Variants in GRAMD1B observed in about 807,000 individuals in gnomAD.
GRAMD1B encodes the protein GRAM domain containing 1B, also known as protein Aster-B.
In GRAMD1B, 37 loss-of-function variants were observed where a neutral mutation model predicts 99.7. That is an observed-to-expected ratio of 0.37 (90% confidence interval 0.29 to 0.49). The LOEUF is 0.49. Among genes scored for constraint, GRAMD1B ranks in the 20% least tolerant of loss-of-function variants. The pLI, the probability that GRAMD1B is intolerant of heterozygous loss-of-function variation, is 0.98. For synonymous variants in GRAMD1B, 427 were observed against 387.6 expected, an observed-to-expected ratio of 1.10 and a Z score of -1.19; for missense variants, 888 against 1,009.2, an observed-to-expected ratio of 0.88 and a Z score of 1.63.
At chr11:123,455,686 T>C (rs1950084767) in intron 1 of GRAMD1B, among the ~76,000 whole-genome samples, 2 of 152,200 alleles carry the variant, frequency 1.3e-5, no homozygotes, top group Non-Finnish European at 2.9e-5. Context: ...TTCAGCTTTA[T>C]TGTCTTTATA....
At chr11:123,484,973 C>T (rs1023337202) in intron 2 of GRAMD1B, among the ~76,000 whole-genome samples, 1 of 152,164 alleles carries the variant, frequency 6.6e-6, no homozygotes, top group South Asian at 2.1e-4. Flanking sequence ...CTGTGCTCCT[C>T]GTTCTGGCCC....
chr11:123,381,900 C>T (rs1946888821), intron 1 of GRAMD1B, among the ~76,000 whole-genome samples: 1 of 152,116 alleles, frequency 6.6e-6, no homozygotes, highest in South Asian at 2.1e-4. Context: ...GGACCGGAGG[C>T]TTGGGGTGGG....
intron 1 of GRAMD1B, among the ~76,000 whole-genome samples, chr11:123,384,456 T>C (rs1416080587): frequency 1.3e-5 from 2 of 152,188 alleles, no homozygotes; most frequent in Non-Finnish European, 2.9e-5. Flanking sequence ...CCTGCCCAGG[T>C]AACCCCCTTC....
At chr11:123,375,589 T>C (rs1946666848) in intron 1 of GRAMD1B, among the ~76,000 whole-genome samples, 2 of 152,204 alleles carry the variant, frequency 1.3e-5, no homozygotes, top group African/African-American at 2.4e-5. Flanking sequence ...AGCAATGTAC[T>C]AGATGCCAAG....
chr11:123,574,095 A>G (rs1948455509), intron 2 of GRAMD1B, among the ~76,000 whole-genome samples: 1 of 149,246 alleles, frequency 6.7e-6, no homozygotes, highest in African/African-American at 2.5e-5. Context: ...AAAAAAAAAG[A>G]AGAAAGAGCA....
rs1343544490 is a variant in GRAMD1B, at chr11:123,492,242, A to G, written c.452+11349A>G. Among the ~76,000 whole-genome samples, 1 of 152,144 alleles carries G rather than the reference A, an allele frequency of 6.6e-6. No individual in the cohort carries two copies. Among genetic ancestry groups the G allele is most frequent in the Non-Finnish European group, 1.5e-5 (1 of 68,028 alleles). Reference sequence around the variant, plus strand: ...TATGATAAGTTGCTCCAGTCCATAAAGAACTTGGAAATCCTGAGAAAGGTG... The same window carrying G: ...TATGATAAGTTGCTCCAGTCCATAAGGAACTTGGAAATCCTGAGAAAGGTG... On this transcript the variant is annotated intron_variant, in intron 2 of 19. Transcript: ENST00000635736. This position sits in a 1 kb window ranked among gnomAD's most constrained non-coding sequence, Gnocchi z 4.2.
intron 2 of GRAMD1B, among the ~76,000 whole-genome samples, chr11:123,507,585 C>T (rs1940563929): frequency 6.6e-6 from 1 of 152,142 alleles, no homozygotes; most frequent in African/African-American, 2.4e-5. Flanking sequence ...CAATTTGAAT[C>T]AGAGTAGTTA....
chr11:123,585,588 C>G (rs563655175), intron 4 of GRAMD1B, among the ~76,000 whole-genome samples: 1 of 152,186 alleles, frequency 6.6e-6, no homozygotes, highest in African/African-American at 2.4e-5. Context: ...TCTGAGCCAC[C>G]CCCTTACCTT....
At chr11:123,479,601 T>C (rs1241703970) in intron 1 of GRAMD1B, among the ~76,000 whole-genome samples, 1 of 152,136 alleles carries the variant, frequency 6.6e-6, no homozygotes, top group African/African-American at 2.4e-5. Flanking sequence ...TAATAAGGAT[T>C]TATTATTAAT....
At chr11:123,543,059 T>C (rs1944704820) in intron 2 of GRAMD1B, among the ~76,000 whole-genome samples, 1 of 152,206 alleles carries the variant, frequency 6.6e-6, no homozygotes, top group Non-Finnish European at 1.5e-5. Flanking sequence ...TGTTTCCTCA[T>C]TCTCAGCTTA....
chr11:123,401,369 G>A (rs545088405), intron 1 of GRAMD1B, among the ~76,000 whole-genome samples: 24 of 152,348 alleles, frequency 1.6e-4, no homozygotes, highest in African/African-American at 4.8e-4. Context: ...AGCCTGTTGC[G>A]TCCGCTCTGG....
At chr11:123,464,496 C>T (rs1379127147) in intron 1 of GRAMD1B, among the ~76,000 whole-genome samples, 1 of 152,140 alleles carries the variant, frequency 6.6e-6, no homozygotes, top group African/African-American at 2.4e-5. Context: ...TCAGCCCCCT[C>T]CACCAATCTA....
Position 123,378,072 on chromosome 11 carries a change from A to T in GRAMD1B, c.-176+19273A>T, listed in dbSNP as rs148451642. Among the ~76,000 whole-genome samples, 775 of 152,306 alleles carry T rather than the reference A, an allele frequency of 5.1e-3. 12 individuals are homozygous for T. Among genetic ancestry groups the T allele is most frequent in the Non-Finnish European group, 4.5e-3 (308 of 68,026 alleles). ...TGTGTTCTAGTGGTCAGAACACTGGACTTGGTAATGGTTATCAAAGCTACT... is the reference window on the plus strand; with the variant it reads ...TGTGTTCTAGTGGTCAGAACACTGGTCTTGGTAATGGTTATCAAAGCTACT... On this transcript the variant is annotated intron_variant, in intron 1 of 20. Transcript: ENST00000638157.
intron 1 of GRAMD1B, chr11:123,459,619 T>C (rs945572851): frequency 6.6e-6 from 1 of 152,172 alleles, no homozygotes; most frequent in African/African-American, 2.4e-5. Context: ...GAGAGAAGAA[T>C]ATTATTTTCT....
chr11:123,584,171 G>T, intron 3 of GRAMD1B, 141 bp from the exon 4 acceptor site: 1 of 564,226 alleles, frequency 1.8e-6, no homozygotes. Flanking sequence ...CCCCTCCTGA[G>T]CAACCACATG....
chr11:123,515,763 A>G (rs1344471023), intron 2 of GRAMD1B, among the ~76,000 whole-genome samples: 1 of 149,814 alleles, frequency 6.7e-6, no homozygotes, highest in Non-Finnish European at 1.5e-5. Context: ...TGCTGTCAAT[A>G]TATTCAAACC....
chr11:123,388,851 C>T (rs1947170004), intron 1 of GRAMD1B, among the ~76,000 whole-genome samples: 1 of 152,110 alleles, frequency 6.6e-6, no homozygotes, highest in Non-Finnish European at 1.5e-5. Flanking sequence ...TCCTGGCCTC[C>T]GGAACTGTGA....
rs183176060 is a variant in GRAMD1B, at chr11:123,392,456, G to T, written c.-176+33657G>T. 2.5e-4 allele frequency among the ~76,000 whole-genome samples: 38 copies of T among 151,738 alleles called. No individual in the cohort carries two copies. In the East Asian group the frequency reaches 7.2e-3, roughly 29 times the overall value. ...ACAGAGAAACCACTCAATAAAGGTT[G>T]GTTGACTCAGATTACTGTCAGTTTC... On this transcript the variant is annotated intron_variant, in intron 1 of 20. Coordinates refer to the GRAMD1B transcript ENST00000638157.
chr11:123,573,623 G>A (rs1336418853), intron 2 of GRAMD1B, among the ~76,000 whole-genome samples: 1 of 152,166 alleles, frequency 6.6e-6, no homozygotes, highest in Non-Finnish European at 1.5e-5. Context: ...TATTTAATCT[G>A]TCAAGAATCC....
Sources: allele counts gnomAD v4.1 joint callset (sites outside exome capture counted in the v4.1 genomes callset), GRCh38; gene constraint gnomAD v4.1.1; non-coding constraint Gnocchi (gnomAD v3.1); transcripts MANE v1.5; gene names NCBI Gene and HGNC (gene_info 2026-07-23, HGNC 2026-07-21).